Variants in NAV1 observed in about 807,000 individuals in gnomAD.
NAV1 encodes pore membrane and/or filament interacting like protein 3.
A neutral mutation model predicts 175.2 loss-of-function variants in NAV1; 18 were observed. That is an observed-to-expected ratio of 0.10 (90% CI 0.07 to 0.15). NAV1 has a LOEUF of 0.15. NAV1 is among the 10% of genes least tolerant of loss of function. The pLI is 1.00. For synonymous variants in NAV1, 897 were observed against 978.7 expected (o/e 0.92, Z 1.56); for missense variants, 1,731 against 2,436.6 (o/e 0.71, Z 6.10).
intron 1 of NAV1, among the ~76,000 whole-genome samples, chr1:201,712,037 C>G (rs564468864): frequency 6.6e-6 from 1 of 152,294 alleles, no homozygotes. Context: ...TGGGCCACAC[C>G]CATGCATCCT....
chr1:201,617,760 A>G (rs1206672654), intron 2 of NAV1, among the ~76,000 whole-genome samples: 3 of 152,286 alleles, frequency 2.0e-5, no homozygotes, highest in Middle Eastern at 3.4e-3. Context: ...TGCTTCTCAG[A>G]CACATTTTTG....
intron 1 of NAV1, among the ~76,000 whole-genome samples, chr1:201,683,526 C>A (rs1213455301): frequency 7.3e-6 from 1 of 136,854 alleles, no homozygotes; most frequent in Non-Finnish European, 1.6e-5. Context: ...CTATGAGAAT[C>A]TAATGCTGCT....
intron 1 of NAV1, among the ~76,000 whole-genome samples, chr1:201,626,480 C>T (rs1668333874): frequency 6.6e-6 from 1 of 152,242 alleles, no homozygotes; most frequent in South Asian, 2.1e-4. Context: ...GTGTGGCCTT[C>T]CCAGTGAAGC....
chr1:201,782,053 T>A lies in NAV1; in HGVS notation c.1664-123T>A, dbSNP rs1676358725. Reference sequence around the variant, plus strand: ...TATCTTGTACCTGTTTACCCAAATTTAGGCCTCTAAAAGTCTACAATACAT... The same window carrying A: ...TATCTTGTACCTGTTTACCCAAATTAAGGCCTCTAAAAGTCTACAATACAT... On this transcript the variant is annotated intron_variant, in intron 5 of 29. Transcript: ENST00000367296. This position sits in a 1 kb window ranked among gnomAD's most constrained non-coding sequence, Gnocchi z 5.4. 1 of 815,476 alleles carries A rather than the reference T, an allele frequency of 1.2e-6. No homozygotes were observed. The highest frequency in any genetic ancestry group is 2.6e-5 in the East Asian group (1 of 38,228). 50.5% of individuals were successfully genotyped at this position (815,476 alleles called of 1,614,324 possible).
chr1:201,716,603 G>T (rs1356005386), intron 2 of NAV1, among the ~76,000 whole-genome samples: 1 of 152,214 alleles, frequency 6.6e-6, no homozygotes, highest in East Asian at 1.9e-4. Flanking sequence ...CAGAAGCAGG[G>T]TGCAGTGGCT....
At chr1:201,579,142 A>C (rs1666776056) in intron 1 of NAV1, among the ~76,000 whole-genome samples, 1 of 152,114 alleles carries the variant, frequency 6.6e-6, no homozygotes, top group African/African-American at 2.4e-5. Context: ...TCAAAAAAAA[A>C]AAAATGTTCT....
intron 3 of NAV1, chr1:201,723,561 G>T (rs1354030370): frequency 6.6e-6 from 1 of 152,138 alleles, no homozygotes; most frequent in African/African-American, 2.4e-5. Flanking sequence ...GAGTTTTATA[G>T]CTGATGGGGT....
At chr1:201,586,022 G>A (rs1022358484) in intron 1 of NAV1, among the ~76,000 whole-genome samples, 4 of 152,182 alleles carry the variant, frequency 2.6e-5, no homozygotes, top group Non-Finnish European at 4.4e-5. Context: ...GTACACTCAT[G>A]TTCATGGCAA....
intron 1 of NAV1, among the ~76,000 whole-genome samples, chr1:201,557,047 G>A (rs548438195): frequency 1.3e-5 from 2 of 152,244 alleles, no homozygotes; most frequent in African/African-American, 4.8e-5. Flanking sequence ...AGGCTTGGAG[G>A]GGGCTGAGAT....
chr1:201,592,886 C>T (rs573074254), intron 2 of NAV1, among the ~76,000 whole-genome samples: 1 of 152,052 alleles, frequency 6.6e-6, no homozygotes, highest in Non-Finnish European at 1.5e-5. Flanking sequence ...GATTGGGATG[C>T]GGTTCGTGGC....
intron 3 of NAV1, among the ~76,000 whole-genome samples, chr1:201,726,257 T>C (rs10920240): frequency 6.6e-6 from 1 of 152,206 alleles, no homozygotes; most frequent in Non-Finnish European, 1.5e-5. Context: ...GTTTGTTCAT[T>C]TGTAAAAAAG....
intron 1 of NAV1, among the ~76,000 whole-genome samples, chr1:201,665,486 G>A (rs1231078049): frequency 1.3e-5 from 2 of 152,134 alleles, no homozygotes; most frequent in East Asian, 3.9e-4. Context: ...ACAAGCACTA[G>A]CTCATGTAGG....
chr1:201,585,529 C>T (rs1305971146), intron 1 of NAV1, among the ~76,000 whole-genome samples: 1 of 151,710 alleles, frequency 6.6e-6, no homozygotes, highest in African/African-American at 2.4e-5. Context: ...GAAAAGACAA[C>T]CCACAGATTA....
At chr1:201,772,256 T>C (rs1294522876) in intron 3 of NAV1, among the ~76,000 whole-genome samples, 1 of 152,216 alleles carries the variant, frequency 6.6e-6, no homozygotes, top group East Asian at 1.9e-4. Context: ...ATGGAAGACT[T>C]GGCATTTGAT....
chr1:201,824,312 C>G (rs2644128), exon 30 of NAV1: 65,703 of 151,922 alleles, frequency 0.43, 15,629 homozygotes, highest in Non-Finnish European at 0.54. Context: ...CTCACAAGTT[C>G]TGGCTCATGG....
intron 1 of NAV1, 121 bp downstream of exon 5, chr1:201,649,546 G>T (rs555886785): frequency 4.9e-6 from 7 of 1,414,994 alleles, no homozygotes; most frequent in Non-Finnish European, 6.5e-6. Context: ...TCCTGTTCAC[G>T]ATCAGGCTGT....
At chr1:201,642,556 T>TCTTTCTTTCTTTCTTTCTTTCTTTC (rs371076258) in intron 2 of NAV1, among the ~76,000 whole-genome samples, 1 of 123,962 alleles carries the variant, frequency 8.1e-6, no homozygotes, top group Non-Finnish European at 1.6e-5. Flanking sequence ...TTTCTTTCTT[T>TCTTTCTTTCTTTCTTTCTTTCTTTC]TTTCCCTTTC....
intron 1 of NAV1, among the ~76,000 whole-genome samples, chr1:201,659,108 C>G (rs1669514154): frequency 6.6e-6 from 1 of 152,240 alleles, no homozygotes; most frequent in Non-Finnish European, 1.5e-5. Flanking sequence ...CCACAACCCA[C>G]AGCAAAGCTT....
chr1:201,752,249 T>TC (rs993559973), intron 3 of NAV1, among the ~76,000 whole-genome samples: 5 of 152,118 alleles, frequency 3.3e-5, no homozygotes, highest in South Asian at 2.1e-4. Context: ...GGATCACTGA[T>TC]CCCCCCCATG....
Sources: allele counts gnomAD v4.1 joint callset (sites outside exome capture counted in the v4.1 genomes callset), GRCh38; gene constraint gnomAD v4.1.1; non-coding constraint Gnocchi (gnomAD v3.1); transcripts MANE v1.5; gene names NCBI Gene and HGNC (gene_info 2026-07-23, HGNC 2026-07-21).